The following CNIH3 variants were observed in gnomAD, a reference collection of about 807,000 sequenced individuals.
The protein encoded by CNIH3 is cornichon family AMPA receptor auxiliary protein 3.
In CNIH3, 14 loss-of-function variants were observed where a neutral mutation model predicts 24.1. That is an observed-to-expected ratio of 0.58 (90% CI 0.38 to 0.91). The LOEUF is 0.91. Ranked by LOEUF, CNIH3 falls within the 40% of genes least tolerant of loss-of-function variation. CNIH3 has a pLI of 0.00. For missense variants in CNIH3, 178 were observed against 196.8 expected (o/e 0.90, Z 0.57); for synonymous variants, 68 against 73.8 (o/e 0.92, Z 0.40).
intron 3 of CNIH3, among the ~76,000 whole-genome samples, chr1:224,694,295 G>A (rs779837232): frequency 3.9e-5 from 6 of 152,206 alleles, no homozygotes; most frequent in Non-Finnish European, 8.8e-5. Flanking sequence ...ATGTGGGGCC[G>A]TCACAACCAG....
chr1:224,721,389 C>A (rs569149977), intron 3 of CNIH3, among the ~76,000 whole-genome samples: 132 of 152,258 alleles, frequency 8.7e-4, no homozygotes, highest in African/African-American at 3.0e-3. Flanking sequence ...CTACTCCCTT[C>A]ATCTCTGGCT....
rs150736087 is a variant in CNIH3 at position 224,519,265 on chromosome 1, A to G, written n.16-1735A>G. Among the ~76,000 whole-genome samples the G allele has an allele frequency of 3.1e-3, 477 of 152,294 alleles. 3 individuals are homozygous for G. The highest frequency in any genetic ancestry group is 5.0e-3 in the Non-Finnish European group (339 of 68,022). On this transcript the variant is annotated intron_variant and non_coding_transcript_variant, in intron 1 of 2. Transcript: ENST00000470602. ...GTCATGGCAGAAGGGCCTGAATAGA[A>G]CAGAAGGCAGAGGAAGGGAAAACTT...
intron 1 of CNIH3, among the ~76,000 whole-genome samples, chr1:224,456,905 G>A (rs940264967): frequency 2.6e-5 from 4 of 152,332 alleles, no homozygotes; most frequent in East Asian, 1.9e-4. Flanking sequence ...TGTGGGAGTC[G>A]CCTGGAGCCC....
At position 224,517,504 on chromosome 1, in the gene CNIH3, G is replaced by A. The variant is rs559616915; in HGVS notation, n.15+1628G>A. 9.2e-5 allele frequency among the ~76,000 whole-genome samples: 14 copies of A among 151,962 alleles called. No homozygotes were observed. The South Asian group carries it at 2.9e-3, about 32-fold the overall frequency. On this transcript the variant is annotated intron_variant and non_coding_transcript_variant, in intron 1 of 2. Coordinates refer to the CNIH3 transcript ENST00000470602. ...TTATTATTATTATTTCAGTAGTTTT[G>A]GGGGAGCAGGTGGTGTTTGGTTACA...
chr1:224,615,010 G>A (rs1435613545), upstream of CNIH3, among the ~76,000 whole-genome samples: 2 of 152,170 alleles, frequency 1.3e-5, no homozygotes, highest in East Asian at 3.8e-4. Context: ...CTGCAGGAAT[G>A]TTGGGGCATA....
intron 5 of CNIH3, chr1:224,587,117 G>GC (rs1245788859): frequency 1.3e-5 from 2 of 152,252 alleles, no homozygotes; most frequent in African/African-American, 4.8e-5. Flanking sequence ...TCATGTGCCT[G>GC]GTTGCCTATA....
At chr1:224,555,374 C>T (rs1471378054) in intron 3 of CNIH3, among the ~76,000 whole-genome samples, 1 of 152,156 alleles carries the variant, frequency 6.6e-6, no homozygotes, top group Non-Finnish European at 1.5e-5. Flanking sequence ...TTTAATGGCC[C>T]TTCTTTCCTT....
At chr1:224,608,440 C>T (rs1205957590) in intron 3 of CNIH3, among the ~76,000 whole-genome samples, 4 of 152,156 alleles carry the variant, frequency 2.6e-5, no homozygotes, top group East Asian at 1.9e-4. Context: ...GGGCTTACAA[C>T]TCTAAGGGGG....
chr1:224,635,287 C>T (rs1404921410), intron 1 of CNIH3, among the ~76,000 whole-genome samples: 1 of 152,134 alleles, frequency 6.6e-6, no homozygotes. Flanking sequence ...CCACCAGGCC[C>T]CTCCCACGAC....
chr1:224,686,244 A>G (rs1446867382), intron 3 of CNIH3, among the ~76,000 whole-genome samples: 1 of 146,258 alleles, frequency 6.8e-6, no homozygotes, highest in East Asian at 2.0e-4. Context: ...CCTATAAGTG[A>G]GAACATGCAG....
rs1169202497 is a variant in CNIH3, at chr1:224,562,267, GGTCTTCCCT to G, written n.451-3930_451-3922del. 4.6e-5 allele frequency among the ~76,000 whole-genome samples: 7 copies of G among 152,096 alleles called. No individual in the cohort carries two copies. The East Asian group carries it at 1.4e-3, about 29-fold the overall frequency. ...GTCCTATTTGACTCTCCTTTCCTGG[GGTCTTCCCT>G]GCTGACCCTTCTACTCCAGACTCTT... On this transcript the variant is annotated intron_variant and non_coding_transcript_variant, in intron 3 of 5. Transcript: ENST00000471578.
In CNIH3 at chr1:224,568,780, G is replaced by A. The variant is rs115215075; in HGVS notation, n.516+2516G>A. On this transcript the variant is annotated intron_variant and non_coding_transcript_variant, in intron 4 of 5. Coordinates refer to the CNIH3 transcript ENST00000471578. ...AAAATATAAAAAGAATTACAGAAGA[G>A]TGAACACCTGTGTTCAGCATTACCT... Among the ~76,000 whole-genome samples, 286 of 152,208 alleles carry A rather than the reference G, an allele frequency of 1.9e-3. 1 individual carries two copies. Among genetic ancestry groups the A allele is most frequent in the African/African-American group, 6.1e-3 (253 of 41,530 alleles).
chr1:224,693,552 C>G (rs991205207), intron 3 of CNIH3, among the ~76,000 whole-genome samples: 1 of 152,212 alleles, frequency 6.6e-6, no homozygotes, highest in African/African-American at 2.4e-5. Context: ...TCATCTCAGT[C>G]AGCCTCAGAC....
In CNIH3 at chr1:224,499,562, A is replaced by G. The variant is rs558177742; in HGVS notation, n.204-16179A>G. Among the ~76,000 whole-genome samples, 6 of 152,326 alleles carry G rather than the reference A, an allele frequency of 3.9e-5. No homozygotes were observed. In the East Asian group the frequency reaches 7.7e-4, roughly 20 times the overall value. ...CCACCTCCCTCCTCAACAGTTTTCA[A>G]TGGGATTTCCTACTGCCTGCATAAA... On this transcript the variant is annotated intron_variant and non_coding_transcript_variant, in intron 1 of 5. Transcript: ENST00000471578.
At chr1:224,500,179 A>T (rs1677595154) in intron 1 of CNIH3, among the ~76,000 whole-genome samples, 1 of 145,482 alleles carries the variant, frequency 6.9e-6, no homozygotes, top group East Asian at 2.0e-4. Context: ...AATTAAAACA[A>T]TTTTTTTTTT....
intron 1 of CNIH3, among the ~76,000 whole-genome samples, chr1:224,629,177 T>G (rs2125075797): frequency 6.6e-6 from 1 of 151,990 alleles, no homozygotes; most frequent in Non-Finnish European, 1.5e-5. Flanking sequence ...TGGCTAATTT[T>G]TTTGTATTTT....
Position 224,704,542 on chromosome 1 carries a change from C to T in CNIH3, c.198+19699C>T, listed in dbSNP as rs887677309. Among the ~76,000 whole-genome samples, 5 of 152,238 alleles carry T rather than the reference C, an allele frequency of 3.3e-5. No homozygotes were observed. The highest frequency in any genetic ancestry group is 4.2e-4 in the South Asian group (2 of 4,814). On this transcript the variant is annotated intron_variant, in intron 3 of 5. Transcript: ENST00000272133. The surrounding 1 kb of genome is among the most constrained non-coding windows in gnomAD (Gnocchi z 4.2). ...CACCCACGTAGCCTTCACCAAGATCCGCCGCTTATTCAGTTTGCCACATTT... is the reference window on the plus strand; with the variant it reads ...CACCCACGTAGCCTTCACCAAGATCTGCCGCTTATTCAGTTTGCCACATTT...
intron 3 of CNIH3, among the ~76,000 whole-genome samples, chr1:224,724,829 G>T (rs2125230877): frequency 6.6e-6 from 1 of 152,204 alleles, no homozygotes; most frequent in South Asian, 2.1e-4. Flanking sequence ...AACCAACTCT[G>T]GTTCTGGGTC....
chr1:224,447,637 T>C (rs1233492336), intron 1 of CNIH3, among the ~76,000 whole-genome samples: 1 of 152,224 alleles, frequency 6.6e-6, no homozygotes, highest in African/African-American at 2.4e-5. Context: ...TACCTGCCTT[T>C]GATGTCATAT....
Sources: allele counts gnomAD v4.1 joint callset (sites outside exome capture counted in the v4.1 genomes callset), GRCh38; gene constraint gnomAD v4.1.1; non-coding constraint Gnocchi (gnomAD v3.1); transcripts MANE v1.5; gene names NCBI Gene and HGNC (gene_info 2026-07-23, HGNC 2026-07-21).